OSBP2: variants seen among roughly 807,000 people sequenced by gnomAD.
OSBP2 encodes oxysterol-binding protein 2.
OSBP2 carries 66 observed loss-of-function variants against 96.0 expected under a neutral mutation model. The observed-to-expected ratio is 0.69, with a 90% confidence interval of 0.56 to 0.84. OSBP2 has a LOEUF of 0.84. Ranked by LOEUF, OSBP2 falls within the 40% of genes least tolerant of loss-of-function variation. OSBP2 has a pLI of 0.00. For missense variants in OSBP2, 1,038 were observed against 1,222.7 expected (o/e 0.85, Z 2.25); for synonymous variants, 525 against 520.9 (o/e 1.01, Z -0.11).
chr22:30,822,731 A>T, intron 2 of OSBP2: 1 of 1,510,748 alleles, frequency 6.6e-7, no homozygotes, highest in African/African-American at 1.4e-5. Flanking sequence ...CCGGGCTTCC[A>T]CCCGGAGGGA....
At chr22:30,838,582 C>G (rs1262662937) in intron 2 of OSBP2, among the ~76,000 whole-genome samples, 1 of 152,154 alleles carries the variant, frequency 6.6e-6, no homozygotes, top group Non-Finnish European at 1.5e-5. Flanking sequence ...TCACCATTAA[C>G]TACGATCTGC....
intron 1 of OSBP2, among the ~76,000 whole-genome samples, chr22:30,706,340 T>C (rs2089252754): frequency 1.3e-5 from 2 of 149,398 alleles, no homozygotes; most frequent in South Asian, 4.2e-4. Context: ...GTTGCCTTAC[T>C]TTTTTTTTTA....
At chr22:30,715,789 G>A (rs958830073) in intron 1 of OSBP2, among the ~76,000 whole-genome samples, 2 of 149,456 alleles carry the variant, frequency 1.3e-5, no homozygotes, top group African/African-American at 2.5e-5. Flanking sequence ...ACTCCTGACC[G>A]CAGGCGACCT....
At chr22:30,775,044 A>G (rs558809876) in intron 2 of OSBP2, among the ~76,000 whole-genome samples, 7 of 152,252 alleles carry the variant, frequency 4.6e-5, no homozygotes, top group African/African-American at 1.4e-4. Context: ...CATTATTACT[A>G]TTTTAATATT....
chr22:30,891,525 C>T (rs564389238), intron 8 of OSBP2, among the ~76,000 whole-genome samples: 25 of 152,198 alleles, frequency 1.6e-4, no homozygotes, highest in Admixed American at 1.0e-3. Flanking sequence ...TGCCCTGGCT[C>T]CTGGCATGAG....
intron 1 of OSBP2, among the ~76,000 whole-genome samples, chr22:30,703,765 C>T (rs1399518139): frequency 2.0e-5 from 3 of 152,154 alleles, no homozygotes; most frequent in East Asian, 3.9e-4. Flanking sequence ...TGTGAGCCAT[C>T]GTGCCTGGCC....
chr22:30,813,515 C>T (rs136241), intron 2 of OSBP2, among the ~76,000 whole-genome samples: 24,207 of 151,700 alleles, frequency 0.16, 2,055 homozygotes, highest in East Asian at 0.21. Context: ...TCTGCTTGCT[C>T]TTTGACTTTG....
chr22:30,721,672 T>G (rs1218705106), intron 1 of OSBP2, among the ~76,000 whole-genome samples: 1 of 152,102 alleles, frequency 6.6e-6, no homozygotes, highest in Non-Finnish European at 1.5e-5. Context: ...TCTATAATAC[T>G]GGAGGCCATG....
chr22:30,694,286 G>T (rs1287514962), upstream of OSBP2: 1 of 1,549,638 alleles, frequency 6.5e-7, no homozygotes, highest in African/African-American at 1.4e-5. Context: ...AGGTGGAGGC[G>T]GTGAGGCGGC....
At chr22:30,877,355 A>G (rs1453025582) in intron 3 of OSBP2, among the ~76,000 whole-genome samples, 2 of 152,156 alleles carry the variant, frequency 1.3e-5, no homozygotes, top group Non-Finnish European at 2.9e-5. Context: ...GGACTATTAA[A>G]TGACTTTGGT....
chr22:30,772,368 G>A lies in OSBP2; in HGVS notation c.853+30999G>A, dbSNP rs5753306. On this transcript the variant is annotated intron_variant, in intron 2 of 13. Coordinates refer to ENST00000332585, the MANE Select transcript of OSBP2 (RefSeq NM_030758.4). ...AATTAGGCTCTTGAGTCTTGGTACC[G>A]TGCCTGTCGTGGAAGACCTGCAGCC... Among the ~76,000 whole-genome samples, 1,450 of 152,260 alleles carry A rather than the reference G, an allele frequency of 9.5e-3. 23 individuals are homozygous for A. Among genetic ancestry groups the A allele is most frequent in the East Asian group, 0.055 (283 of 5,176 alleles).
intron 2 of OSBP2, among the ~76,000 whole-genome samples, chr22:30,869,393 G>A (rs1005764078): frequency 3.9e-5 from 6 of 152,254 alleles, no homozygotes; most frequent in South Asian, 2.1e-4. Context: ...GGGCCACAGC[G>A]TGTCTGCACA....
At chr22:30,747,538 C>T (rs2085803652) in intron 2 of OSBP2, among the ~76,000 whole-genome samples, 1 of 152,178 alleles carries the variant, frequency 6.6e-6, no homozygotes. Flanking sequence ...TGTATGTTTA[C>T]ATCCACACAC....
intron 1 of OSBP2, among the ~76,000 whole-genome samples, chr22:30,737,682 A>G (rs979563663): frequency 1.3e-5 from 2 of 151,188 alleles, no homozygotes; most frequent in Non-Finnish European, 2.9e-5. Context: ...TAGGCCCACA[A>G]TGTTCACTGT....
chr22:30,718,249 C>G (rs940413465), intron 1 of OSBP2, among the ~76,000 whole-genome samples: 2 of 152,122 alleles, frequency 1.3e-5, no homozygotes, highest in African/African-American at 4.8e-5. Context: ...AGTCCAGTGG[C>G]AAAAGTTGTG....
chr22:30,694,482 G>A (rs2088982212), upstream of OSBP2: 1 of 1,147,192 alleles, frequency 8.7e-7, no homozygotes, highest in Non-Finnish European at 1.2e-6. Context: ...ACCCACCCCA[G>A]CCTGGGTTGG....
Position 30,732,300 on chromosome 22 carries a change from G to A in OSBP2, c.645-8861G>A, listed in dbSNP as rs184878926. 3.9e-5 allele frequency among the ~76,000 whole-genome samples: 6 copies of A among 152,110 alleles called. No individual in the cohort carries two copies. In the East Asian group the frequency reaches 5.8e-4, roughly 15 times the overall value. On this transcript the variant is annotated intron_variant, in intron 1 of 13. Coordinates refer to ENST00000332585, the MANE Select transcript of OSBP2 (RefSeq NM_030758.4). ...GCCTGGGCAACAAGAGTGAAACTCT[G>A]TCTCAAAAAATAAATAAATAAATAA...
intron 2 of OSBP2, among the ~76,000 whole-genome samples, chr22:30,814,524 C>T (rs1462181806): frequency 1.3e-5 from 2 of 151,650 alleles, no homozygotes; most frequent in Admixed American, 6.6e-5. Context: ...CTCCGCCTCC[C>T]GGGTTCAAGT....
At chr22:30,795,552 T>C (rs1415552707) in intron 2 of OSBP2, among the ~76,000 whole-genome samples, 1 of 147,832 alleles carries the variant, frequency 6.8e-6, no homozygotes, top group Non-Finnish European at 1.5e-5. Flanking sequence ...GGAGTTTCAC[T>C]CTTGTTGCCC....
Sources: gnomAD v4.1 joint callset for allele counts (sites outside exome capture counted in the v4.1 genomes callset) on GRCh38, gnomAD v4.1.1 for gene constraint, MANE v1.5 for transcripts, NCBI Gene and HGNC (gene_info 2026-07-23, HGNC 2026-07-21) for gene names.